NSG2: variants seen among roughly 807,000 people sequenced by gnomAD.
The protein encoded by NSG2 is neuronal vesicle trafficking associated 2.
NSG2 carries 4 observed loss-of-function variants against 16.9 expected under a neutral mutation model. The ratio of observed to expected loss-of-function variants is 0.24; its 90% CI spans 0.12 to 0.54. The LOEUF (loss-of-function observed/expected upper bound fraction) is 0.54, where lower values mean the gene tolerates loss of function less well. Among genes scored for constraint, NSG2 ranks in the 20% least tolerant of loss-of-function variants. The probability of loss-of-function intolerance (pLI) is 0.95; values close to 1 mark genes in which losing one functional copy is unlikely to be tolerated. For missense variants in NSG2, 179 were observed against 221.1 expected (o/e 0.81, Z 1.21); for synonymous variants, 98 against 88.7 (o/e 1.11, Z -0.59).
In NSG2 at chr5:174,102,762, A is replaced by T. The variant is rs983286114; in HGVS notation, c.214-1466A>T. Among the ~76,000 whole-genome samples, 3 of 144,350 alleles carry T rather than the reference A, an allele frequency of 2.1e-5. No homozygotes were observed. The East Asian group carries it at 6.0e-4, about 29-fold the overall frequency. 94.7% of individuals were successfully genotyped at this position (144,350 alleles called of 152,430 possible). A position where few individuals can be genotyped will look rare whatever the true frequency, so the allele number is the denominator to read the frequency against. The stretch of plus-strand genomic sequence containing the variant: ...GGGCCATGCTTTGTTTTTTTTATTT[A>T]TTTATTTATTTATTTATTTATTTAT... On this transcript the variant is annotated intron_variant, in intron 3 of 4. Coordinates refer to ENST00000303177, the MANE Select transcript of NSG2 (RefSeq NM_015980.5).
At chr5:174,059,334 C>T (rs1037948955) in intron 2 of NSG2, among the ~76,000 whole-genome samples, 1 of 152,090 alleles carries the variant, frequency 6.6e-6, no homozygotes, top group Admixed American at 6.6e-5. Context: ...ATCCATTCTC[C>T]TATTAGTGTA....
intron 2 of NSG2, among the ~76,000 whole-genome samples, chr5:174,060,719 C>T (rs762525673): frequency 6.6e-6 from 1 of 152,288 alleles, no homozygotes. Flanking sequence ...TTCTTTCAAG[C>T]TCATTGAGGC....
intron 3 of NSG2, among the ~76,000 whole-genome samples, chr5:174,081,353 T>C (rs945129243): frequency 6.6e-6 from 1 of 152,232 alleles, no homozygotes; most frequent in African/African-American, 2.4e-5. Context: ...TTGATGTTTT[T>C]TTCCCCCCCA....
chr5:174,052,806 G>A (rs570848192), intron 2 of NSG2, among the ~76,000 whole-genome samples: 14 of 152,290 alleles, frequency 9.2e-5, no homozygotes, highest in South Asian at 8.3e-4. Context: ...CTGCATGCAC[G>A]TGTGCTGGGA....
At chr5:174,047,894 C>A (rs1322677182) in intron 2 of NSG2, among the ~76,000 whole-genome samples, 1 of 152,208 alleles carries the variant, frequency 6.6e-6, no homozygotes, top group Admixed American at 6.5e-5. Flanking sequence ...TAAGAGCGAA[C>A]AATGGATCAT....
intron 2 of NSG2, among the ~76,000 whole-genome samples, chr5:174,059,662 G>A (rs1378805476): frequency 2.0e-5 from 3 of 152,134 alleles, no homozygotes; most frequent in Admixed American, 6.5e-5. Flanking sequence ...TCCCAGAGTA[G>A]GTCTAACTTC....
intron 2 of NSG2, among the ~76,000 whole-genome samples, chr5:174,063,697 C>T (rs1410865159): frequency 6.6e-6 from 1 of 152,016 alleles, no homozygotes; most frequent in African/African-American, 2.4e-5. Flanking sequence ...TTATCCCCTC[C>T]ATCCCCTCCA....
intron 2 of NSG2, among the ~76,000 whole-genome samples, chr5:174,061,910 T>A (rs1240828418): frequency 2.8e-4 from 6 of 21,376 alleles, no homozygotes; most frequent in Non-Finnish European, 8.4e-4. Context: ...GCCCCCAAAC[T>A]TTTTTTTTTT....
intron 3 of NSG2, among the ~76,000 whole-genome samples, chr5:174,085,040 T>C (rs1760581894): frequency 1.3e-5 from 2 of 152,180 alleles, no homozygotes; most frequent in African/African-American, 4.8e-5. Context: ...ATGGGAAAGT[T>C]AATTAAGGCT....
At chr5:174,048,558 T>C (rs538020689) in intron 2 of NSG2, among the ~76,000 whole-genome samples, 2 of 152,326 alleles carry the variant, frequency 1.3e-5, no homozygotes, top group South Asian at 2.1e-4. Context: ...AGATATTCTC[T>C]TGGGGCTTTA....
At chr5:174,046,965 C>T in intron 2 of NSG2, 81 bp downstream of exon 2, 1 of 1,422,564 alleles carries the variant, frequency 7.0e-7, no homozygotes, top group Non-Finnish European at 9.7e-7. Context: ...TTCCACCCCC[C>T]AAATCCTTTC....
At chr5:174,055,410 G>T (rs1019277548) in intron 2 of NSG2, among the ~76,000 whole-genome samples, 2 of 150,620 alleles carry the variant, frequency 1.3e-5, no homozygotes, top group Non-Finnish European at 2.9e-5. Context: ...TGGCTAACAC[G>T]GTGAAACCCC....
At chr5:174,074,063 G>A (rs1193973032) in intron 3 of NSG2, among the ~76,000 whole-genome samples, 1 of 152,070 alleles carries the variant, frequency 6.6e-6, no homozygotes, top group African/African-American at 2.4e-5. Context: ...AATCAGCAAA[G>A]GCTACAAATC....
intron 3 of NSG2, among the ~76,000 whole-genome samples, chr5:174,095,885 CT>C (rs1433827687): frequency 1.3e-5 from 2 of 152,254 alleles, no homozygotes; most frequent in East Asian, 1.9e-4. Flanking sequence ...CTCTGACACA[CT>C]GTAGGTGCTC....
chr5:174,103,830 G>A (rs1479967157), intron 3 of NSG2, among the ~76,000 whole-genome samples: 5 of 152,102 alleles, frequency 3.3e-5, no homozygotes, highest in Non-Finnish European at 7.4e-5. Flanking sequence ...CAGGTGTGGT[G>A]GTGGGTACCT....
intron 4 of NSG2, among the ~76,000 whole-genome samples, chr5:174,105,585 G>A (rs1439878311): frequency 6.6e-6 from 1 of 152,186 alleles, no homozygotes; most frequent in East Asian, 1.9e-4. Flanking sequence ...GCAACTCCAT[G>A]TGTCCTTAGA....
chr5:174,080,692 G>C (rs577062359), intron 3 of NSG2, among the ~76,000 whole-genome samples: 2 of 152,020 alleles, frequency 1.3e-5, no homozygotes, highest in Admixed American at 1.3e-4. Context: ...CTCCTGAGTA[G>C]CTGGGATTAC....
chr5:174,080,554 T>TCTCTCTCTCTCTCTCTCTCTCTCTCTC (rs1398255846), intron 3 of NSG2, among the ~76,000 whole-genome samples: 25 of 146,050 alleles, frequency 1.7e-4, no homozygotes, highest in African/African-American at 5.9e-4. Context: ...TCTCTCTTTC[T>TCTCTCTCTCTCTCTCTCTCTCTCTCTC]TTTCTTTCTT....
At chr5:174,088,633 A>G (rs1183289326) in intron 3 of NSG2, among the ~76,000 whole-genome samples, 2 of 152,198 alleles carry the variant, frequency 1.3e-5, no homozygotes, top group African/African-American at 4.8e-5. Flanking sequence ...TTTAGATCCT[A>G]AGGCATGTTC....
Sources: allele counts gnomAD v4.1 joint callset (sites outside exome capture counted in the v4.1 genomes callset), GRCh38; gene constraint gnomAD v4.1.1; transcripts MANE v1.5; gene names NCBI Gene and HGNC (gene_info 2026-07-23, HGNC 2026-07-21).